Variants in TIMD4 observed in about 807,000 individuals in gnomAD.
TIMD4 encodes the protein T cell immunoglobulin and mucin domain containing 4.
Under a neutral mutation model 41.2 loss-of-function variants are expected in TIMD4, and 31 were observed. The ratio of observed to expected loss-of-function variants is 0.75; its 90% CI spans 0.57 to 1.01. The LOEUF (loss-of-function observed/expected upper bound fraction) is 1.01, where lower values mean the gene tolerates loss of function less well. Ranked by LOEUF, TIMD4 falls within the 50% of genes least tolerant of loss-of-function variation. TIMD4 has a pLI of 0.00. For synonymous variants in TIMD4, 204 were observed against 177.1 expected, an observed-to-expected ratio of 1.15 and a Z score of -1.21; for missense variants, 479 against 472.5, an observed-to-expected ratio of 1.01 and a Z score of -0.13.
chr5:156,943,534 C>T (rs1759682816), intron 5 of TIMD4, among the ~76,000 whole-genome samples: 1 of 152,072 alleles, frequency 6.6e-6, no homozygotes, highest in Non-Finnish European at 1.5e-5. Context: ...GAAGAAAGGA[C>T]TAGAAAGAAA....
At chr5:156,947,978 G>T (rs767758787) in intron 5 of TIMD4, among the ~76,000 whole-genome samples, 4 of 152,256 alleles carry the variant, frequency 2.6e-5, no homozygotes, top group Non-Finnish European at 5.9e-5. Context: ...ATCATTCCTG[G>T]CATAAGGTCA....
At chr5:156,931,066 CAGAG>C (rs528366342) in intron 5 of TIMD4, among the ~76,000 whole-genome samples, 1 of 151,874 alleles carries the variant, frequency 6.6e-6, no homozygotes, top group African/African-American at 2.4e-5. Flanking sequence ...GAAGAGATCA[CAGAG>C]AGAGAGAGAT....
In TIMD4 at chr5:156,923,704, A is replaced by AT. The variant is rs35661024; in HGVS notation, c.895-1489dup. Among the ~76,000 whole-genome samples the AT allele has an allele frequency of 3.5e-3, 496 of 142,436 alleles. 5 individuals are homozygous for AT. Among genetic ancestry groups the AT allele is most frequent in the African/African-American group, 0.01 (393 of 38,278 alleles). The allele number at this position is 142,436 out of a possible 152,430, so 93.4% of individuals were successfully genotyped here. A position where few individuals can be genotyped will look rare whatever the true frequency, so the allele number is the denominator to read the frequency against. On this transcript the variant is annotated intron_variant, in intron 6 of 8. Coordinates refer to ENST00000274532, the MANE Select transcript of TIMD4 (RefSeq NM_138379.3). ...CAGGCATGCATCACGATGCCTGGCT[A>AT]TTTTTTTTTTTTTTAATTTTGTGTA...
chr5:156,956,332 T>TAAA (rs911539795), intron 1 of TIMD4, among the ~76,000 whole-genome samples: 24 of 149,022 alleles, frequency 1.6e-4, no homozygotes, highest in African/African-American at 5.9e-4. Flanking sequence ...AGCTGTGCCA[T>TAAA]AAAAAAAAAA....
intron 8 of TIMD4, 81 bp downstream of exon 8, chr5:156,920,383 C>A: frequency 1.4e-6 from 2 of 1,460,584 alleles, no homozygotes; most frequent in South Asian, 2.3e-5. Context: ...AAGCTCAAGT[C>A]ATTAAACCAC....
intron 5 of TIMD4, among the ~76,000 whole-genome samples, chr5:156,946,813 A>G (rs1431523848): frequency 6.6e-6 from 1 of 151,864 alleles, no homozygotes; most frequent in Non-Finnish European, 1.5e-5. Flanking sequence ...GTGATGCTAC[A>G]TTGTCTCCTT....
chr5:156,961,016 C>T (rs763553783), intron 1 of TIMD4, among the ~76,000 whole-genome samples: 25 of 152,294 alleles, frequency 1.6e-4, no homozygotes, highest in Non-Finnish European at 2.6e-4. Flanking sequence ...GAGAATAGTA[C>T]AAGTTTGAGA....
At chr5:156,940,837 G>C (rs1375128327) in intron 5 of TIMD4, among the ~76,000 whole-genome samples, 1 of 152,272 alleles carries the variant, frequency 6.6e-6, no homozygotes, top group African/African-American at 2.4e-5. Flanking sequence ...TCATTGAGAA[G>C]GGGCCATGAT....
At chr5:156,930,100 A>T (rs904750434) in intron 5 of TIMD4, among the ~76,000 whole-genome samples, 1 of 152,024 alleles carries the variant, frequency 6.6e-6, no homozygotes, top group South Asian at 2.1e-4. Context: ...CCTCCCAAGT[A>T]GCTGGGATTA....
At chr5:156,943,393 T>C (rs10475851) in intron 5 of TIMD4, among the ~76,000 whole-genome samples, 3,741 of 152,214 alleles carry the variant, frequency 0.025, 89 homozygotes, top group African/African-American at 0.063. Flanking sequence ...ATAGAACAAA[T>C]AACTCACCTG....
chr5:156,948,268 C>G lies in TIMD4; in HGVS notation c.844+148G>C, dbSNP rs959666506. 3.1e-5 allele frequency: 11 copies of G among 353,098 alleles called. No individual in the cohort carries two copies. In the South Asian group the frequency reaches 1.4e-3, roughly 44 times the overall value. The allele number at this position is 353,098 out of a possible 1,614,324, so 21.9% of individuals were successfully genotyped here. ...TTGAGAGGCCAAGGCAGGAGGATCA[C>G]TTGAGGCCAAGAGATTTGAGACCAG... On this transcript the variant is annotated intron_variant, in intron 5 of 8. Coordinates refer to ENST00000274532, the MANE Select transcript of TIMD4 (RefSeq NM_138379.3).
intron 5 of TIMD4, among the ~76,000 whole-genome samples, chr5:156,944,757 G>A (rs377757320): frequency 6.6e-6 from 1 of 151,848 alleles, no homozygotes; most frequent in African/African-American, 2.4e-5. Context: ...CGCCCACCTC[G>A]GCCTCCCAAA....
At chr5:156,928,673 AT>A (rs1759391083) in intron 5 of TIMD4, among the ~76,000 whole-genome samples, 3 of 152,192 alleles carry the variant, frequency 2.0e-5, no homozygotes, top group Non-Finnish European at 4.4e-5. Context: ...AAGGCTCATA[AT>A]TTGGTATCAG....
At position 156,957,512 on chromosome 5, in the gene TIMD4, C is replaced by A. The variant is rs76816027; in HGVS notation, c.59-2756G>T. 9.5e-4 allele frequency among the ~76,000 whole-genome samples: 108 copies of A among 113,796 alleles called. 2 individuals carry two copies. Among genetic ancestry groups the A allele is most frequent in the East Asian group, 1.8e-3 (7 of 3,826 alleles). The allele number at this position is 113,796 out of a possible 152,430, so 74.7% of individuals were successfully genotyped here. On this transcript the variant is annotated intron_variant, in intron 1 of 8. Transcript: ENST00000274532. Reference sequence around the variant, plus strand: ...TGGGTGACAGAGCGAGAGTCTATCTCAAAAAAAAAAAAGAAAAAAGAAAAA... The same window carrying A: ...TGGGTGACAGAGCGAGAGTCTATCTAAAAAAAAAAAAAGAAAAAAGAAAAA...
chr5:156,962,125 CAGTT>C (rs1247106928), intron 1 of TIMD4, among the ~76,000 whole-genome samples: 1 of 151,882 alleles, frequency 6.6e-6, no homozygotes, highest in Non-Finnish European at 1.5e-5. Flanking sequence ...TACAAAAATA[CAGTT>C]AGTTAGAACA....
intron 5 of TIMD4, among the ~76,000 whole-genome samples, chr5:156,940,710 C>A (rs555584897): frequency 1.3e-5 from 2 of 150,970 alleles, no homozygotes; most frequent in South Asian, 4.3e-4. Flanking sequence ...GGAGCCCCTC[C>A]GCCCGGCAGC....
chr5:156,922,831 C>CA (rs1759272021), intron 6 of TIMD4, among the ~76,000 whole-genome samples: 2 of 151,958 alleles, frequency 1.3e-5, no homozygotes, highest in East Asian at 1.9e-4. Flanking sequence ...ATGAGATTTG[C>CA]AAAAAATGTA....
At chr5:156,963,041 G>C in intron 1 of TIMD4, 100 bp downstream of exon 1, 1 of 1,182,332 alleles carries the variant, frequency 8.5e-7, no homozygotes, top group Non-Finnish European at 1.3e-6. Context: ...GAAATGAAGT[G>C]AGCTTCTGCT....
chr5:156,954,403 T>C lies in TIMD4; in HGVS notation c.400+12A>G, dbSNP rs1397298990. The C allele has an allele frequency of 1.2e-6, 2 of 1,607,242 alleles. No homozygotes were observed. The highest frequency in any genetic ancestry group is 2.7e-5 in the African/African-American group (2 of 74,850). Reference sequence around the variant, plus strand: ...TCTCCTTCCGCAGGCATGAGGCCCTTCGTGTGCTTACCTCTCTGTAGATTC... The same window carrying C: ...TCTCCTTCCGCAGGCATGAGGCCCTCCGTGTGCTTACCTCTCTGTAGATTC... On this transcript the variant is annotated intron_variant, in intron 2 of 8. Coordinates refer to ENST00000274532, the MANE Select transcript of TIMD4 (RefSeq NM_138379.3).
Sources: gnomAD v4.1 joint callset for allele counts (sites outside exome capture counted in the v4.1 genomes callset) on GRCh38, gnomAD v4.1.1 for gene constraint, MANE v1.5 for transcripts, NCBI Gene and HGNC (gene_info 2026-07-23, HGNC 2026-07-21) for gene names.